Variants in CLCN1 observed in about 807,000 individuals in gnomAD.
The protein encoded by CLCN1 is chloride voltage-gated channel 1, also known as chloride channel protein 1.
In CLCN1, 100 loss-of-function variants were observed where a neutral mutation model predicts 114.5. The observed-to-expected ratio is 0.87, with a 90% CI of 0.74 to 1.03. The LOEUF is 1.03. Among genes scored for constraint, CLCN1 ranks in the 50% least tolerant of loss-of-function variants. The probability of loss-of-function intolerance (pLI) is 0.00; values close to 1 mark genes in which losing one functional copy is unlikely to be tolerated. For synonymous variants in CLCN1, 485 were observed against 487.1 expected (o/e 1.00, Z 0.06); for missense variants, 1,188 against 1,250.0 (o/e 0.95, Z 0.75).
intron 6 of CLCN1, chr7:143,323,855 T>A (rs1452284892): frequency 4.2e-6 from 2 of 472,976 alleles, no homozygotes; most frequent in Non-Finnish European, 8.7e-6. Flanking sequence ...GGTGTCGGCC[T>A]GTGCAGTGGG....
At chr7:143,336,452 A>C (rs1368473506) in intron 12 of CLCN1, among the ~76,000 whole-genome samples, 3 of 152,100 alleles carry the variant, frequency 2.0e-5, no homozygotes, top group African/African-American at 7.2e-5. Context: ...TCAACTAAAA[A>C]TACAAAAATT....
intron 18 of CLCN1, 122 bp downstream of exon 18, chr7:143,346,373 T>G (rs1401573535): frequency 5.3e-6 from 4 of 755,164 alleles, no homozygotes; most frequent in East Asian, 5.3e-5. Context: ...GGCTGGGGGA[T>G]TGAGGGAGGA....
In CLCN1 at chr7:143,324,624, C is replaced by G; in HGVS notation, c.853+132C>G. 1 of 743,666 alleles carries G rather than the reference C, an allele frequency of 1.3e-6. No individual in the cohort carries two copies. The highest frequency in any genetic ancestry group is 2.4e-6 in the Non-Finnish European group (1 of 409,224). 46.1% of individuals were successfully genotyped at this position (743,666 alleles called of 1,614,324 possible). The stretch of plus-strand genomic sequence containing the variant: ...ATAGCTGACTTTTAGTAAGCCTTTG[C>G]TATGTGCCAGGCAATGTTTAAAGCA... On this transcript the variant is annotated intron_variant, in intron 7 of 22. Transcript: ENST00000343257. This position sits in a 1 kb window ranked among gnomAD's most constrained non-coding sequence, Gnocchi z 4.6.
At chr7:143,327,049 C>T (rs957865104) in intron 7 of CLCN1, among the ~76,000 whole-genome samples, 2 of 152,086 alleles carry the variant, frequency 1.3e-5, no homozygotes, top group African/African-American at 4.8e-5. Flanking sequence ...AGTTCAAGAA[C>T]AGCCTGGCCA....
chr7:143,322,814 C>A (rs893892627), intron 5 of CLCN1, among the ~76,000 whole-genome samples: 1 of 152,262 alleles, frequency 6.6e-6, no homozygotes, highest in Non-Finnish European at 1.5e-5. Flanking sequence ...CGCCACCGCG[C>A]CCGGCCTTAT....
intron 14 of CLCN1, among the ~76,000 whole-genome samples, chr7:143,341,488 G>A (rs1803072147): frequency 6.6e-6 from 1 of 151,924 alleles, no homozygotes; most frequent in African/African-American, 2.4e-5. Flanking sequence ...GAACCTGGGA[G>A]GTGGAGGTTC....
chr7:143,317,244 C>CTTTTTT (rs1207676166), intron 1 of CLCN1, among the ~76,000 whole-genome samples: 8 of 113,776 alleles, frequency 7.0e-5, no homozygotes, highest in Non-Finnish European at 8.9e-5. Flanking sequence ...TTGGCCAGAA[C>CTTTTTT]TTTTTTTTTT....
chr7:143,344,769 T>A lies in CLCN1; in HGVS notation c.1931-752T>A, dbSNP rs78107213. Among the ~76,000 whole-genome samples the A allele has an allele frequency of 5.0e-3, 745 of 150,438 alleles. 3 individuals carry two copies. Among genetic ancestry groups the A allele is most frequent in the African/African-American group, 0.017 (695 of 40,494 alleles). ...TAGCAGGGTTTTTTTTTTTTTTTTT[T>A]AATGAAATCTCGCTCTTGTCGCCCA... On this transcript the variant is annotated intron_variant, in intron 16 of 22. Coordinates refer to ENST00000343257, the MANE Select transcript of CLCN1 (RefSeq NM_000083.3).
chr7:143,323,654 T>G (rs1292124037), intron 6 of CLCN1: 2 of 623,666 alleles, frequency 3.2e-6, no homozygotes, highest in Admixed American at 4.3e-5. Context: ...GCTCCCATGC[T>G]CTCCCTGCTA....
chr7:143,351,375 G>A (rs1803394939), intron 22 of CLCN1, among the ~76,000 whole-genome samples: 1 of 152,094 alleles, frequency 6.6e-6, no homozygotes, highest in African/African-American at 2.4e-5. Flanking sequence ...AGTCTGGGCA[G>A]GTGGATCTTT....
chr7:143,319,701 A>G (rs965601539), intron 1 of CLCN1, 54 bp from the exon 2 acceptor site: 4 of 1,594,486 alleles, frequency 2.5e-6, no homozygotes, highest in Non-Finnish European at 3.4e-6. Context: ...GCCTCTGTCT[A>G]TTATTTTTTT....
chr7:143,342,283 A>C (rs915076975), intron 15 of CLCN1, 89 bp from the exon 16 acceptor site: 1 of 1,531,098 alleles, frequency 6.5e-7, no homozygotes, highest in Non-Finnish European at 9.0e-7. Context: ...AGATATTGTG[A>C]GTGACTGAAA....
rs1318634269 is a variant in CLCN1, at chr7:143,350,664, A to G, written c.2595+10A>G. ...CCTGGCCCTGGAGGAGGTAATCACGATGTGTCCCATTTGAGCAGCAGGAGG... is the reference window on the plus strand; with the variant it reads ...CCTGGCCCTGGAGGAGGTAATCACGGTGTGTCCCATTTGAGCAGCAGGAGG... On this transcript the variant is annotated intron_variant, in intron 22 of 22. Transcript: ENST00000343257. This position sits in a 1 kb window ranked among gnomAD's most constrained non-coding sequence, Gnocchi z 5.1. The G allele has an allele frequency of 6.2e-7, 1 of 1,609,020 alleles. No homozygotes were observed. Among genetic ancestry groups the G allele is most frequent in the Admixed American group, 1.7e-5 (1 of 59,996 alleles).
chr7:143,317,571 TTTTC>T (rs945768533), intron 1 of CLCN1, among the ~76,000 whole-genome samples: 6 of 151,550 alleles, frequency 4.0e-5, no homozygotes, highest in African/African-American at 1.5e-4. Context: ...AAAGGCTTTT[TTTTC>T]TTTCTTTTTT....
chr7:143,321,356 T>C lies in CLCN1; in HGVS notation c.434-9T>C. ...TGTTCTGCCTAACCCCAGGCATGTGTCTCCGCAGCCTACAAGTGGTCCTAC... is the reference window on the plus strand; with the variant it reads ...TGTTCTGCCTAACCCCAGGCATGTGCCTCCGCAGCCTACAAGTGGTCCTAC... On this transcript the variant is annotated splice_polypyrimidine_tract_variant and intron_variant, in intron 3 of 22. Coordinates refer to ENST00000343257, the MANE Select transcript of CLCN1 (RefSeq NM_000083.3). The surrounding 1 kb of genome is among the most constrained non-coding windows in gnomAD (Gnocchi z 4.2). 6.2e-7 allele frequency: 1 copy of C among 1,614,128 alleles called. No individual in the cohort carries two copies. The highest frequency in any genetic ancestry group is 2.2e-5 in the East Asian group (1 of 44,888).
At position 143,332,427 on chromosome 7, in the gene CLCN1, T is replaced by C; in HGVS notation, c.1175T>C (p.Leu392Pro). Reference protein sequence around the residue: ...LSQFLAKHRLLYPGIVTFVIA... With the variant: ...LSQFLAKHRLPYPGIVTFVIA... ...CTCTGTTTCTTTTTCAGCCGCCTGCTGTATCCTGGAATTGTTACCTTTGTC... is the reference window on the plus strand; with the variant it reads ...CTCTGTTTCTTTTTCAGCCGCCTGCCGTATCCTGGAATTGTTACCTTTGTC... Residue 392 changes from leucine to proline, a missense_variant, in exon 11 of 23, where the codon CTG (leucine) becomes CCG (proline). Leu to Pro is a moderately conservative substitution (Grantham distance 98, BLOSUM62 -3). Transcript: ENST00000343257. The C allele has an allele frequency of 6.2e-7, 1 of 1,613,984 alleles. No homozygotes were observed. The highest frequency in any genetic ancestry group is 8.5e-7 in the Non-Finnish European group (1 of 1,179,838).
Position 143,332,492 on chromosome 7 carries a change from A to G in CLCN1, c.1240A>G (p.Met414Val), listed in dbSNP as rs1298511653. The G allele has an allele frequency of 1.9e-6, 3 of 1,613,516 alleles. No homozygotes were observed. The highest frequency in any genetic ancestry group is 1.7e-5 in the Admixed American group (1 of 59,994). ...FTFPPGMGQF[M>V]AGELMPREAI... ...CTTCCCACCAGGAATGGGTCAATTC[A>G]TGGCTGGAGAGGTCAGCTGTTGGTG... The change falls in exon 11 of 23, where the codon ATG becomes GTG. Residue 414 changes from methionine (M) to valine (V), a missense_variant. Physicochemically the swap from Met to Val is conservative, Grantham distance 21. Coordinates refer to ENST00000343257, the MANE Select transcript of CLCN1 (RefSeq NM_000083.3).
At chr7:143,322,186 C>T (rs545020499) in intron 5 of CLCN1, among the ~76,000 whole-genome samples, 1 of 152,212 alleles carries the variant, frequency 6.6e-6, no homozygotes, top group Non-Finnish European at 1.5e-5. Flanking sequence ...CCAGCTGCAT[C>T]GCCCAGTTGT....
chr7:143,329,029 G>A (rs1241704197), intron 7 of CLCN1, among the ~76,000 whole-genome samples: 2 of 149,456 alleles, frequency 1.3e-5, no homozygotes, highest in African/African-American at 4.9e-5. Flanking sequence ...GTATAGAGGT[G>A]CGATCTCGGC....
Sources: gnomAD v4.1 joint callset for allele counts (sites outside exome capture counted in the v4.1 genomes callset) on GRCh38, gnomAD v4.1.1 for gene constraint, Gnocchi (gnomAD v3.1) non-coding constraint, MANE v1.5 for transcripts, NCBI Gene and HGNC (gene_info 2026-07-23, HGNC 2026-07-21) for gene names.